DCDC1: variants seen among roughly 807,000 people sequenced by gnomAD.
DCDC1 encodes the protein doublecortin domain containing 1, also known as doublecortin domain-containing protein 1.
DCDC1 carries 200 observed loss-of-function variants against 178.3 expected under a neutral mutation model. That is an observed-to-expected ratio of 1.12 (90% CI 1.00 to 1.26). The LOEUF is 1.26. DCDC1 is among the 50% of genes most tolerant of loss of function. The pLI, the probability that DCDC1 is intolerant of heterozygous loss-of-function variation, is 0.00. For missense variants in DCDC1, 1,983 were observed against 1,749.2 expected (o/e 1.13, Z -2.38); for synonymous variants, 690 against 604.8 (o/e 1.14, Z -2.07).
rs1430206290 is a variant in DCDC1 at position 30,909,094 on chromosome 11, C to T, written c.3770G>A (p.Gly1257Glu). 6.2e-7 allele frequency: 1 copy of T among 1,610,458 alleles called. No homozygotes were observed. The highest frequency in any genetic ancestry group is 8.5e-7 in the Non-Finnish European group (1 of 1,177,772). The change falls in exon 29 of 39, where the codon GGA becomes GAA. Residue 1257 changes from glycine (G) to glutamate (E), a missense_variant. Physicochemically the swap from Gly to Glu is moderately conservative, Grantham distance 98 (BLOSUM62 -2). Coordinates refer to ENST00000684477, the MANE Select transcript of DCDC1 (RefSeq NM_001387274.1). Reference protein sequence around the residue: ...IVQKYKPYNNGAANQKWHYMK... With the variant: ...IVQKYKPYNNEAANQKWHYMK... ...GTAATGCCACTTTTGATTGGCAGCT[C>T]CATTGTTGTACGGCTTATATTTCTG...
At chr11:31,160,565 G>C (rs1966226124) in intron 9 of DCDC1, among the ~76,000 whole-genome samples, 1 of 151,960 alleles carries the variant, frequency 6.6e-6, no homozygotes, top group Non-Finnish European at 1.5e-5. Flanking sequence ...GAGTACTCCT[G>C]ATTTTCTAGA....
At chr11:31,303,489 A>T (rs1948254027) in intron 6 of DCDC1, among the ~76,000 whole-genome samples, 1 of 152,100 alleles carries the variant, frequency 6.6e-6, no homozygotes, top group Non-Finnish European at 1.5e-5. Flanking sequence ...CTAGTTGGAA[A>T]ATTATCGATT....
At chr11:31,105,344 G>C (rs1958777289) in intron 13 of DCDC1, among the ~76,000 whole-genome samples, 1 of 151,546 alleles carries the variant, frequency 6.6e-6, no homozygotes, top group Non-Finnish European at 1.5e-5. Context: ...GATCCAATTA[G>C]CCAAAAACAA....
intron 36 of DCDC1, among the ~76,000 whole-genome samples, chr11:30,886,754 ATT>A (rs375569160): frequency 2.7e-5 from 4 of 147,036 alleles, no homozygotes; most frequent in African/African-American, 7.4e-5. Context: ...AGCAGTCACT[ATT>A]TTTTTTTTTC....
chr11:31,048,026 T>G (rs1565219076), intron 20 of DCDC1, among the ~76,000 whole-genome samples: 2 of 152,208 alleles, frequency 1.3e-5, no homozygotes, highest in African/African-American at 4.8e-5. Flanking sequence ...TCAACTTTAA[T>G]ATTCATAGTC....
chr11:30,880,514 A>G (rs1942565303), intron 37 of DCDC1, among the ~76,000 whole-genome samples: 1 of 152,190 alleles, frequency 6.6e-6, no homozygotes, highest in South Asian at 2.1e-4. Context: ...TAGGGATGCC[A>G]GGCAATTCAT....
chr11:31,022,812 A>T (rs1952975588), intron 20 of DCDC1, among the ~76,000 whole-genome samples: 1 of 151,908 alleles, frequency 6.6e-6, no homozygotes. Context: ...CAACTAGATT[A>T]TAAGTACCTC....
At chr11:31,011,511 G>T (rs1803977501) in intron 20 of DCDC1, among the ~76,000 whole-genome samples, 2 of 152,178 alleles carry the variant, frequency 1.3e-5, no homozygotes, top group South Asian at 4.1e-4. Context: ...GTGAAAAGAT[G>T]CTCTGCTTCA....
intron 9 of DCDC1, among the ~76,000 whole-genome samples, chr11:31,199,849 T>C (rs974192278): frequency 2.0e-5 from 3 of 152,258 alleles, no homozygotes; most frequent in Non-Finnish European, 4.4e-5. Context: ...TGTTATAAAG[T>C]TCTCATGACA....
intron 29 of DCDC1, among the ~76,000 whole-genome samples, 186 bp downstream of exon 29, chr11:30,908,760 C>G (rs1343277628): frequency 6.6e-6 from 1 of 152,024 alleles, no homozygotes; most frequent in East Asian, 1.9e-4. Context: ...CTACCTAATT[C>G]TTTTTCTCTC....
intron 20 of DCDC1, among the ~76,000 whole-genome samples, chr11:31,037,622 C>A (rs1024919605): frequency 2.0e-5 from 3 of 151,686 alleles, no homozygotes; most frequent in African/African-American, 4.8e-5. Context: ...CAAAATTAGC[C>A]CGGATAATTT....
At chr11:31,200,211 C>G (rs974139920) in intron 9 of DCDC1, among the ~76,000 whole-genome samples, 2 of 151,640 alleles carry the variant, frequency 1.3e-5, no homozygotes, top group African/African-American at 4.8e-5. Flanking sequence ...ATTTATAATA[C>G]AAAAAAAGTT....
At chr11:31,184,971 G>A (rs994164045) in intron 9 of DCDC1, among the ~76,000 whole-genome samples, 1 of 152,148 alleles carries the variant, frequency 6.6e-6, no homozygotes, top group Non-Finnish European at 1.5e-5. Flanking sequence ...TATGTTTATT[G>A]TGGCACTATT....
chr11:31,204,763 A>C (rs956480390), intron 9 of DCDC1, among the ~76,000 whole-genome samples: 4 of 152,240 alleles, frequency 2.6e-5, no homozygotes, highest in Non-Finnish European at 5.9e-5. Flanking sequence ...CGGAGGTTGC[A>C]GTGAGCCGAG....
At chr11:31,337,678 A>ATCAC (rs1950340410) in intron 1 of DCDC1, among the ~76,000 whole-genome samples, 1 of 151,934 alleles carries the variant, frequency 6.6e-6, no homozygotes, top group Admixed American at 6.6e-5. Context: ...CAATCAATCA[A>ATCAC]TCAATCAAAC....
intron 38 of DCDC1, among the ~76,000 whole-genome samples, chr11:30,867,368 G>A (rs541210592): frequency 3.9e-4 from 60 of 152,308 alleles, no homozygotes; most frequent in African/African-American, 1.4e-3. Flanking sequence ...CAGCTTTCCC[G>A]TCTGTAAAAT....
chr11:31,146,267 G>C (rs1964441397), intron 9 of DCDC1, among the ~76,000 whole-genome samples: 1 of 151,844 alleles, frequency 6.6e-6, no homozygotes, highest in African/African-American at 2.4e-5. Flanking sequence ...TGTTTTTTTA[G>C]TAGAGATGGG....
At chr11:31,005,072 A>G (rs1286345599) in intron 20 of DCDC1, among the ~76,000 whole-genome samples, 1 of 152,212 alleles carries the variant, frequency 6.6e-6, no homozygotes, top group Admixed American at 6.5e-5. Context: ...ATAATTAAAA[A>G]TTCAAAAGGT....
At chr11:31,012,121 A>G (rs1001002773) in intron 20 of DCDC1, among the ~76,000 whole-genome samples, 4 of 152,168 alleles carry the variant, frequency 2.6e-5, no homozygotes, top group African/African-American at 7.2e-5. Context: ...TTCTGCCATG[A>G]TTATAAGTTT....
Sources: allele counts gnomAD v4.1 joint callset (sites outside exome capture counted in the v4.1 genomes callset), GRCh38; gene constraint gnomAD v4.1.1; transcripts MANE v1.5; gene names NCBI Gene and HGNC (gene_info 2026-07-23, HGNC 2026-07-21).